CD6: variants seen among roughly 807,000 people sequenced by gnomAD.
The protein encoded by CD6 is CD6 molecule, also known as T-cell differentiation antigen CD6.
Under a neutral mutation model 75.3 loss-of-function variants are expected in CD6, and 53 were observed. The observed-to-expected ratio is 0.70, with a 90% CI of 0.56 to 0.88. The LOEUF is 0.88. CD6 is among the 40% of genes least tolerant of loss of function. CD6 has a pLI of 0.00. For synonymous variants in CD6, 359 were observed against 381.5 expected (o/e 0.94, Z 0.69); for missense variants, 770 against 897.1 (o/e 0.86, Z 1.81).
At chr11:61,003,691 G>A (rs1858709812) in intron 1 of CD6, among the ~76,000 whole-genome samples, 1 of 152,212 alleles carries the variant, frequency 6.6e-6, no homozygotes, top group South Asian at 2.1e-4. Flanking sequence ...CCGAGATTGT[G>A]CCACTGCACT....
rs1859001336 is a variant in CD6 at position 61,008,762 on chromosome 11, C to A, written c.698C>A (p.Ala233Asp). Residue 233 changes from alanine (A) to aspartate (D), a missense_variant, in exon 4 of 13, where the codon GCC becomes GAC. Ala to Asp is a moderately radical substitution (Grantham distance 126). Coordinates refer to ENST00000313421, the MANE Select transcript of CD6 (RefSeq NM_006725.5). ...IHRDQVNCSGAEAYLWDCPGL... is the reference protein window; with the variant it reads ...IHRDQVNCSGDEAYLWDCPGL... ...CGGGACCAGGTGAACTGCTCGGGGG[C>A]CGAAGCTTACCTGTGGGACTGCCCG... 1 of 1,602,762 alleles carries A rather than the reference C, an allele frequency of 6.2e-7. No homozygotes were observed. The highest frequency in any genetic ancestry group is 1.1e-5 in the South Asian group (1 of 90,334).
At chr11:61,018,486 GA>G in intron 12 of CD6, 93 bp downstream of exon 12, 16 of 964,990 alleles carry the variant, frequency 1.7e-5, no homozygotes, top group East Asian at 2.7e-5. Flanking sequence ...CGCTCAAGGG[GA>G]AAAGGAGAAA....
At chr11:60,986,488 C>T (rs78601160) in intron 1 of CD6, among the ~76,000 whole-genome samples, 3,493 of 152,310 alleles carry the variant, frequency 0.023, 53 homozygotes, top group Non-Finnish European at 0.034. Context: ...TCAGCTTTTG[C>T]GCTCTAGGTA....
intron 5 of CD6, 130 bp from the exon 6 acceptor site, chr11:61,010,940 G>C: frequency 1.3e-6 from 1 of 754,370 alleles, no homozygotes; most frequent in Non-Finnish European, 2.3e-6. Context: ...CCTTAGCCAC[G>C]TGTCCCTGAT....
chr11:60,994,449 A>G (rs1213527342), intron 1 of CD6, among the ~76,000 whole-genome samples: 1 of 137,594 alleles, frequency 7.3e-6, no homozygotes, highest in African/African-American at 2.7e-5. Context: ...CCTCCCCAAC[A>G]CCCCCGCCAA....
intron 1 of CD6, among the ~76,000 whole-genome samples, chr11:60,976,471 C>A (rs1257724737): frequency 6.6e-6 from 1 of 152,140 alleles, no homozygotes; most frequent in Non-Finnish European, 1.5e-5. Context: ...ACTCACGGAG[C>A]TTGACCCAAC....
intron 12 of CD6, 87 bp downstream of exon 12, chr11:61,018,480 C>CAAGGGGAAAATGAGAAAGG: frequency 1.1e-6 from 1 of 887,094 alleles, no homozygotes; most frequent in African/African-American, 1.8e-5. Flanking sequence ...TGCATTCGCT[C>CAAGGGGAAAATGAGAAAGG]AAGGGGAAAA....
chr11:61,015,322 G>A (rs1256718538), intron 8 of CD6: 3 of 171,924 alleles, frequency 1.7e-5, no homozygotes, highest in South Asian at 1.5e-4. Context: ...TGTAGTCCCC[G>A]CATTTTGGGA....
chr11:60,997,504 T>C (rs943126658), intron 1 of CD6, among the ~76,000 whole-genome samples: 1 of 151,898 alleles, frequency 6.6e-6, no homozygotes, highest in South Asian at 2.1e-4. Context: ...GTTATTTAAC[T>C]GAATATATCC....
rs888055904 is a variant in CD6, at chr11:61,009,974, C to T, written c.1084+100C>T. The T allele has an allele frequency of 2.9e-5, 34 of 1,190,354 alleles. No individual in the cohort carries two copies. The South Asian group carries it at 3.6e-4, about 13-fold the overall frequency. 73.7% of individuals were successfully genotyped at this position (1,190,354 alleles called of 1,614,324 possible). The stretch of plus-strand genomic sequence containing the variant: ...CCAAGGACCACAATAGGCACCAGAT[C>T]GGCAATGGCACATATGGCATAAGAA... On this transcript the variant is annotated intron_variant, in intron 5 of 12. Transcript: ENST00000313421.
At chr11:60,985,463 G>A (rs1426651372) in intron 1 of CD6, among the ~76,000 whole-genome samples, 3 of 151,828 alleles carry the variant, frequency 2.0e-5, no homozygotes, top group Non-Finnish European at 2.9e-5. Flanking sequence ...GGGATTACAG[G>A]TATAAGCCAC....
chr11:60,991,461 A>G (rs1337296355), intron 1 of CD6, among the ~76,000 whole-genome samples: 1 of 151,590 alleles, frequency 6.6e-6, no homozygotes, highest in Non-Finnish European at 1.5e-5. Context: ...CTCATCAGCC[A>G]TTTTTCTCTG....
chr11:60,995,986 G>A (rs944806821), intron 1 of CD6, among the ~76,000 whole-genome samples: 8 of 152,132 alleles, frequency 5.3e-5, no homozygotes, highest in South Asian at 2.1e-4. Flanking sequence ...CCTGCCTCTC[G>A]CCCTTGGCAT....
chr11:60,987,184 A>C (rs1320106963), intron 1 of CD6, among the ~76,000 whole-genome samples: 1 of 152,238 alleles, frequency 6.6e-6, no homozygotes, highest in East Asian at 1.9e-4. Flanking sequence ...CCAAGATCAA[A>C]GAGTCAGTGG....
rs1171918912 is a variant in CD6 at position 61,007,151 on chromosome 11, G to A, written c.119-409G>A. Among the ~76,000 whole-genome samples, 1 of 152,098 alleles carries A rather than the reference G, an allele frequency of 6.6e-6. No homozygotes were observed. Among genetic ancestry groups the A allele is most frequent in the Non-Finnish European group, 1.5e-5 (1 of 67,998 alleles). ...TCCCTAGTCACTGTGACAGCCTCTAGGACAGTACCCTCAGAGGAGCAGAGG... is the reference window on the plus strand; with the variant it reads ...TCCCTAGTCACTGTGACAGCCTCTAAGACAGTACCCTCAGAGGAGCAGAGG... On this transcript the variant is annotated intron_variant, in intron 2 of 12. Coordinates refer to ENST00000313421, the MANE Select transcript of CD6 (RefSeq NM_006725.5). This position sits in a 1 kb window ranked among gnomAD's most constrained non-coding sequence, Gnocchi z 4.2.
intron 9 of CD6, 167 bp from the exon 10 acceptor site, chr11:61,017,312 G>C (rs1425165353): frequency 6.4e-6 from 4 of 628,366 alleles, no homozygotes; most frequent in Non-Finnish European, 1.1e-5. Flanking sequence ...GCTGGATTGG[G>C]ATATGAACCT....
chr11:61,003,779 A>G (rs766545613), intron 1 of CD6, among the ~76,000 whole-genome samples: 8 of 152,220 alleles, frequency 5.3e-5, no homozygotes, highest in Non-Finnish European at 1.2e-4. Context: ...CTGATCTTCC[A>G]TTCGGCCCTC....
Position 61,007,830 on chromosome 11 carries a change from G to C in CD6, c.389G>C (p.Ser130Thr). The C allele has an allele frequency of 6.9e-7, 1 of 1,445,322 alleles. No homozygotes were observed. The highest frequency in any genetic ancestry group is 9.1e-7 in the Non-Finnish European group (1 of 1,104,612). The allele number at this position is 1,445,322 out of a possible 1,614,324, so 89.5% of individuals were successfully genotyped here. ...GCCGGGGCGCCCGCCCTCCTGTGCA[G>C]CGGCGCCGAGTGGCGGCTCTGCGAG... ...TLAGAPALLC[S>T]GAEWRLCEVV... The change falls in exon 3 of 13, where the codon AGC becomes ACC. Residue 130 changes from serine to threonine, a missense_variant. Physicochemically the swap from Ser to Thr is moderately conservative, Grantham distance 58. Coordinates refer to ENST00000313421, the MANE Select transcript of CD6 (RefSeq NM_006725.5). This position sits in a 1 kb window ranked among gnomAD's most constrained non-coding sequence, Gnocchi z 4.2.
At chr11:61,005,993 A>G (rs1858838072) in intron 1 of CD6, among the ~76,000 whole-genome samples, 1 of 152,320 alleles carries the variant, frequency 6.6e-6, no homozygotes, top group Middle Eastern at 3.4e-3. Context: ...ATATGCAAAT[A>G]CCTGTCCTTC....
Sources: gnomAD v4.1 joint callset for allele counts (sites outside exome capture counted in the v4.1 genomes callset) on GRCh38, gnomAD v4.1.1 for gene constraint, Gnocchi (gnomAD v3.1) non-coding constraint, MANE v1.5 for transcripts, NCBI Gene and HGNC (gene_info 2026-07-23, HGNC 2026-07-21) for gene names.